Variants in OLFM1 observed in about 807,000 individuals in gnomAD.
The protein encoded by OLFM1 is olfactomedin 1.
Under a neutral mutation model 49.7 loss-of-function variants are expected in OLFM1, and 9 were observed. The ratio of observed to expected loss-of-function variants is 0.18; its 90% CI spans 0.11 to 0.32. The LOEUF is 0.32. OLFM1 is among the 10% of genes least tolerant of loss of function. The pLI is 1.00. For missense variants in OLFM1, 369 were observed against 661.8 expected (o/e 0.56, Z 4.85); for synonymous variants, 240 against 271.8 (o/e 0.88, Z 1.15).
rs1554752659 is a variant in OLFM1 at position 135,090,388 on chromosome 9, G to GTGTT, written c.300+47_300+48insTTGT. The GTGTT allele has an allele frequency of 7.6e-5, 96 of 1,270,284 alleles. 1 individual carries two copies. In the African/African-American group the frequency reaches 8.8e-4, roughly 12 times the overall value. 78.7% of individuals were successfully genotyped at this position (1,270,284 alleles called of 1,614,324 possible). Reference sequence around the variant, plus strand: ...TGTGAGTTTGTATGTGTGTGTGTTTGTGTGTGTGTGTGTGTGTGTACATGC... The same window carrying GTGTT: ...TGTGAGTTTGTATGTGTGTGTGTTTGTGTTTGTGTGTGTGTGTGTGTGTACATGC... On this transcript the variant is annotated intron_variant, in intron 2 of 5. Transcript: ENST00000371793.
At chr9:135,087,035 GC>G (rs1275104581), upstream of OLFM1, among the ~76,000 whole-genome samples, 2 of 152,218 alleles carry the variant, frequency 1.3e-5, no homozygotes, top group Admixed American at 1.3e-4. Context: ...GACCACCCCA[GC>G]CCCCGCCTTG....
chr9:135,095,011 G>C (rs908990695), intron 2 of OLFM1: 4 of 152,218 alleles, frequency 2.6e-5, no homozygotes, highest in African/African-American at 9.7e-5. Flanking sequence ...GAATGCATTT[G>C]CACAGAAGCA....
chr9:135,114,072 G>T (rs1472009568), intron 5 of OLFM1, among the ~76,000 whole-genome samples: 4 of 147,756 alleles, frequency 2.7e-5, no homozygotes, highest in African/African-American at 1.0e-4. Context: ...AAGGACACTT[G>T]TCACTGGATT....
intron 2 of OLFM1, among the ~76,000 whole-genome samples, chr9:135,094,866 TC>T (rs1345981886): frequency 1.3e-5 from 2 of 152,174 alleles, no homozygotes; most frequent in Non-Finnish European, 2.9e-5. Flanking sequence ...ATTTTCAAAT[TC>T]AGCAGAAAAG....
At chr9:135,114,924 G>A (rs753979108) in intron 5 of OLFM1, among the ~76,000 whole-genome samples, 12 of 152,112 alleles carry the variant, frequency 7.9e-5, no homozygotes, top group Non-Finnish European at 1.5e-4. Context: ...CTCTTCGCAC[G>A]CGGCACAGTG....
chr9:135,104,483 G>T (rs1343775022), intron 4 of OLFM1, among the ~76,000 whole-genome samples: 1 of 152,226 alleles, frequency 6.6e-6, no homozygotes, highest in Non-Finnish European at 1.5e-5. Flanking sequence ...GTCACGGAAG[G>T]CCCGGCGTGT....
chr9:135,082,570 C>G (rs1230147658), intron 1 of OLFM1, among the ~76,000 whole-genome samples: 1 of 152,146 alleles, frequency 6.6e-6, no homozygotes, highest in Non-Finnish European at 1.5e-5. Context: ...AGCCATTTAC[C>G]AACAATTTGG....
At position 135,113,312 on chromosome 9, in the gene OLFM1, G is replaced by C. The variant is rs1161448356; in HGVS notation, c.784-6192G>C. On this transcript the variant is annotated intron_variant, in intron 5 of 5. Transcript: ENST00000371793. The surrounding 1 kb of genome is among the most constrained non-coding windows in gnomAD (Gnocchi z 4.0). Reference sequence around the variant, plus strand: ...CTGACCCTACCGCCACGTCCCCACAGGTGGTCTTATGGCCTTCTTCCTTTG... The same window carrying C: ...CTGACCCTACCGCCACGTCCCCACACGTGGTCTTATGGCCTTCTTCCTTTG... 6.6e-6 allele frequency among the ~76,000 whole-genome samples: 1 copy of C among 152,166 alleles called. No homozygotes were observed. The highest frequency in any genetic ancestry group is 1.9e-4 in the East Asian group (1 of 5,178).
At chr9:135,094,950 C>G (rs1203499001) in intron 2 of OLFM1, 1 of 152,130 alleles carries the variant, frequency 6.6e-6, no homozygotes, top group Admixed American at 6.6e-5. Flanking sequence ...AGAAAATGAC[C>G]CAAACACCAC....
Position 135,117,112 on chromosome 9 carries a change from C to T in OLFM1, c.784-2392C>T, listed in dbSNP as rs1831106984. ...GCGGCACCAGCCTGCCAGACTCCCT[C>T]TGCCTAACTGCGTTGCTTTCTAATT... On this transcript the variant is annotated intron_variant, in intron 5 of 5. Coordinates refer to ENST00000371793, the MANE Select transcript of OLFM1 (RefSeq NM_001282611.2). This position sits in a 1 kb window ranked among gnomAD's most constrained non-coding sequence, Gnocchi z 5.5. 6.6e-6 allele frequency among the ~76,000 whole-genome samples: 1 copy of T among 152,200 alleles called. No individual in the cohort carries two copies. The highest frequency in any genetic ancestry group is 1.5e-5 in the Non-Finnish European group (1 of 68,032).
rs76081630 is a variant in OLFM1, at chr9:135,117,307, A to G, written c.784-2197A>G. On this transcript the variant is annotated intron_variant, in intron 5 of 5. Coordinates refer to ENST00000371793, the MANE Select transcript of OLFM1 (RefSeq NM_001282611.2). The surrounding 1 kb of genome is among the most constrained non-coding windows in gnomAD (Gnocchi z 5.5). ...ACAACCAGAGGCTTCTTCAAAGCCC[A>G]TATTCTTCTCGGAGAGGCACTTTTG... Among the ~76,000 whole-genome samples the G allele has an allele frequency of 2.9e-3, 443 of 152,298 alleles. 2 individuals are homozygous for G. Among genetic ancestry groups the G allele is most frequent in the African/African-American group, 0.01 (428 of 41,560 alleles).
At chr9:135,102,063 G>A (rs1337771932) in intron 4 of OLFM1, among the ~76,000 whole-genome samples, 4 of 152,202 alleles carry the variant, frequency 2.6e-5, no homozygotes, top group Admixed American at 2.6e-4. Context: ...AACAAAGCCC[G>A]CTGGCTCCAG....
rs1463966800 is a variant in OLFM1, at chr9:135,098,969, C to G, written c.676+464C>G. On this transcript the variant is annotated intron_variant, in intron 4 of 5. Coordinates refer to ENST00000371793, the MANE Select transcript of OLFM1 (RefSeq NM_001282611.2). This position sits in a 1 kb window ranked among gnomAD's most constrained non-coding sequence, Gnocchi z 5.6. The stretch of plus-strand genomic sequence containing the variant: ...CACATCTCAGTAGAGCTGCCATTCA[C>G]AGCACGGGAGGGAGCCCCTGCTCAC... Among the ~76,000 whole-genome samples the G allele has an allele frequency of 6.6e-6, 1 of 152,222 alleles. No individual in the cohort carries two copies. Among genetic ancestry groups the G allele is most frequent in the African/African-American group, 2.4e-5 (1 of 41,452 alleles).
chr9:135,084,589 T>A (rs2119092134), upstream of OLFM1, among the ~76,000 whole-genome samples: 1 of 150,864 alleles, frequency 6.6e-6, no homozygotes, highest in South Asian at 2.1e-4. The surrounding 1 kb of genome is among the most constrained non-coding windows in gnomAD (Gnocchi z 4.6). Context: ...TCTCTGCCTT[T>A]GTCTCTCTCT....
intron 2 of OLFM1, among the ~76,000 whole-genome samples, chr9:135,090,968 T>C (rs1369219017): frequency 6.6e-6 from 1 of 152,242 alleles, no homozygotes; most frequent in Non-Finnish European, 1.5e-5. Context: ...GCATAACATA[T>C]TTTGAATCCG....
At chr9:135,101,175 A>T (rs1427562857) in intron 4 of OLFM1, among the ~76,000 whole-genome samples, 2 of 152,078 alleles carry the variant, frequency 1.3e-5, no homozygotes, top group Non-Finnish European at 2.9e-5. Flanking sequence ...TGGAGCCGGC[A>T]CCCGCTGCCG....
chr9:135,081,972 C>T (rs933167190), intron 1 of OLFM1, among the ~76,000 whole-genome samples: 4 of 152,336 alleles, frequency 2.6e-5, no homozygotes, highest in South Asian at 4.1e-4. Context: ...GACCCGTCCT[C>T]GTGTGTGGCT....
chr9:135,111,889 T>C (rs1564279524), intron 5 of OLFM1, among the ~76,000 whole-genome samples: 1 of 152,042 alleles, frequency 6.6e-6, no homozygotes, highest in African/African-American at 2.4e-5. Context: ...TTTTTCTGTG[T>C]GTTTTTTAGT....
chr9:135,108,858 G>C (rs1545797), intron 5 of OLFM1, among the ~76,000 whole-genome samples: 21,249 of 152,040 alleles, frequency 0.14, 1,619 homozygotes, highest in African/African-American at 0.17. Flanking sequence ...GAGGCAGAAG[G>C]GTCTCAGGAT....
Sources: allele counts gnomAD v4.1 joint callset (sites outside exome capture counted in the v4.1 genomes callset), GRCh38; gene constraint gnomAD v4.1.1; non-coding constraint Gnocchi (gnomAD v3.1); transcripts MANE v1.5; gene names NCBI Gene and HGNC (gene_info 2026-07-23, HGNC 2026-07-21).